LMTK2: variants seen among roughly 807,000 people sequenced by gnomAD.
LMTK2 encodes lemur tail kinase 2.
In LMTK2, 37 loss-of-function variants were observed where a neutral mutation model predicts 127.5. The ratio of observed to expected loss-of-function variants is 0.29; its 90% CI spans 0.22 to 0.38. The LOEUF (loss-of-function observed/expected upper bound fraction) is 0.38. Ranked by LOEUF, LMTK2 falls within the 10% of genes least tolerant of loss-of-function variation. LMTK2 has a pLI of 1.00. For missense variants in LMTK2, 1,694 were observed against 1,920.3 expected (o/e 0.88, Z 2.20); for synonymous variants, 819 against 810.1 (o/e 1.01, Z -0.19).
At chr7:98,123,403 A>G (rs1796396044) in intron 1 of LMTK2, among the ~76,000 whole-genome samples, 2 of 152,078 alleles carry the variant, frequency 1.3e-5, no homozygotes, top group Admixed American at 1.3e-4. Context: ...TTATGAACAC[A>G]TCATTAATCC....
chr7:98,134,550 C>T (rs1382045762), intron 1 of LMTK2, among the ~76,000 whole-genome samples: 1 of 152,142 alleles, frequency 6.6e-6, no homozygotes, highest in South Asian at 2.1e-4. Context: ...CGCAGTGGCT[C>T]ATGCCTGTAA....
chr7:98,196,284 C>G (rs1366710923), intron 11 of LMTK2, among the ~76,000 whole-genome samples: 1 of 152,144 alleles, frequency 6.6e-6, no homozygotes, highest in African/African-American at 2.4e-5. Flanking sequence ...TTTTCATTCC[C>G]CAGGTGGTTC....
At chr7:98,150,226 T>G (rs1267238112) in intron 3 of LMTK2, among the ~76,000 whole-genome samples, 1 of 150,942 alleles carries the variant, frequency 6.6e-6, no homozygotes, top group Non-Finnish European at 1.5e-5. Context: ...GAGAATCACT[T>G]GAACCCGGGA....
At chr7:98,133,112 C>G (rs767865853) in intron 1 of LMTK2, among the ~76,000 whole-genome samples, 1 of 152,158 alleles carries the variant, frequency 6.6e-6, no homozygotes, top group Non-Finnish European at 1.5e-5. Context: ...GTAGACATGC[C>G]GGGTGTTTTT....
chr7:98,140,367 G>A (rs1428792719), intron 2 of LMTK2, among the ~76,000 whole-genome samples: 3 of 151,690 alleles, frequency 2.0e-5, no homozygotes, highest in African/African-American at 4.9e-5. Context: ...GCCCAGGCTG[G>A]CCTAGAGCTC....
At chr7:98,138,766 A>G (rs1334429705) in intron 2 of LMTK2, among the ~76,000 whole-genome samples, 4 of 152,196 alleles carry the variant, frequency 2.6e-5, no homozygotes, top group African/African-American at 9.6e-5. Flanking sequence ...ACATTTCATG[A>G]TGCCTCATTC....
At position 98,171,599 on chromosome 7, in the gene LMTK2, C is replaced by T. The variant is rs1481803777; in HGVS notation, c.716C>T (p.Thr239Ile). 1 of 1,613,112 alleles carries T rather than the reference C, an allele frequency of 6.2e-7. No homozygotes were observed. Among genetic ancestry groups the T allele is most frequent in the East Asian group, 2.2e-5 (1 of 44,874 alleles). The change falls in exon 7 of 14, where the codon ACC (threonine) becomes ATC (isoleucine). Residue 239 changes from threonine to isoleucine, a missense_variant. Around this residue, in one of 8 missense-constraint regions of LMTK2, gnomAD observed 203 missense variants for 226.2 expected, o/e 0.90. Transcript: ENST00000297293. The surrounding 1 kb of genome is among the most constrained non-coding windows in gnomAD (Gnocchi z 5.1). ...GAGCACATGCGGGGGGACTCACAGA[C>T]CATGCTGCTGCAGAGGATGGCGTGC... ...EQEHMRGDSQ[T>I]MLLQRMACEV...
chr7:98,141,382 T>C lies in LMTK2; in HGVS notation c.232-15T>C. On this transcript the variant is annotated splice_polypyrimidine_tract_variant and intron_variant, in intron 2 of 13. Transcript: ENST00000297293. ...TTAGCCAATGGTTTTTAATGCTTGCTCTCTTTCATTTTAGGAATTTGAAGA... is the reference window on the plus strand; with the variant it reads ...TTAGCCAATGGTTTTTAATGCTTGCCCTCTTTCATTTTAGGAATTTGAAGA... 1.9e-6 allele frequency: 3 copies of C among 1,611,330 alleles called. No individual in the cohort carries two copies. Among genetic ancestry groups the C allele is most frequent in the Non-Finnish European group, 2.5e-6 (3 of 1,177,546 alleles).
chr7:98,166,949 A>G (rs576780750), intron 6 of LMTK2, among the ~76,000 whole-genome samples: 1 of 152,328 alleles, frequency 6.6e-6, no homozygotes, highest in South Asian at 2.1e-4. Context: ...ACAAAGATAA[A>G]CTTTCAAAGA....
At position 98,173,948 on chromosome 7, in the gene LMTK2, C is replaced by T. The variant is rs184244811; in HGVS notation, c.791+2274C>T. On this transcript the variant is annotated intron_variant, in intron 7 of 13. Transcript: ENST00000297293. ...ACGGGTGCCTGTAGTCCCAGCTATT[C>T]GGGAGGCTGAGGCAGGAGAATGGCG... 2.1e-3 allele frequency among the ~76,000 whole-genome samples: 319 copies of T among 151,860 alleles called. 3 individuals are homozygous for T. Among genetic ancestry groups the T allele is most frequent in the African/African-American group, 7.4e-3 (305 of 41,444 alleles).
intron 12 of LMTK2, 59 bp downstream of exon 12, chr7:98,203,765 T>A: frequency 6.2e-7 from 1 of 1,601,602 alleles, no homozygotes; most frequent in South Asian, 1.1e-5. Flanking sequence ...ATGTAAAGGT[T>A]TTTTGAGGGT....
At chr7:98,152,628 G>A (rs1796874542) in intron 4 of LMTK2, among the ~76,000 whole-genome samples, 1 of 152,198 alleles carries the variant, frequency 6.6e-6, no homozygotes, top group Admixed American at 6.5e-5. Context: ...ACAGCAAACA[G>A]TCAATTGTGG....
rs11765552 is a variant in LMTK2, at chr7:98,192,803, T to C, written c.2338T>C (p.Leu780=). The C allele has an allele frequency of 5.6e-6, 9 of 1,613,370 alleles. No individual in the cohort carries two copies. Among genetic ancestry groups the C allele is most frequent in the Non-Finnish European group, 7.6e-6 (9 of 1,179,634 alleles). ...TCAGTTTGCTGAAAATAAGCCAGGC[T>C]TGTCTTTGTTGCAGGAAAACGTAAG... ...ELQFAENKPG[L]SLLQENVSTK... Residue 780 remains leucine, a synonymous_variant, in exon 11 of 14, where the codon TTG becomes CTG. Transcript: ENST00000297293.
At chr7:98,155,592 C>G (rs1796915814) in intron 5 of LMTK2, among the ~76,000 whole-genome samples, 1 of 151,132 alleles carries the variant, frequency 6.6e-6, no homozygotes, top group Admixed American at 6.6e-5. Context: ...TGGAGGACAG[C>G]CGATTTCTCA....
chr7:98,172,877 C>T (rs1018065472), intron 7 of LMTK2, among the ~76,000 whole-genome samples: 8 of 152,184 alleles, frequency 5.3e-5, no homozygotes, highest in African/African-American at 1.7e-4. Context: ...CCTGCCTCAG[C>T]CTTCCGAGTA....
rs141472550 is a variant in LMTK2, at chr7:98,194,179, C to T, written c.3714C>T (p.Tyr1238=). 2.0e-5 allele frequency: 33 copies of T among 1,613,914 alleles called. No homozygotes were observed. Among genetic ancestry groups the T allele is most frequent in the Non-Finnish European group, 2.6e-5 (31 of 1,180,036 alleles). The stretch of plus-strand genomic sequence containing the variant: ...CCAACACGAACGAACTCCTTGCCTA[C>T]ACCAATTCTGCGCTGGACAAGTCCC... ...TGTNTNELLA[Y]TNSALDKSLS... is the part of the protein sequence containing the mutation. Residue 1238 remains tyrosine, a synonymous_variant, in exon 11 of 14, where the codon TAC becomes TAT. Coordinates refer to ENST00000297293, the MANE Select transcript of LMTK2 (RefSeq NM_014916.4). The surrounding 1 kb of genome is among the most constrained non-coding windows in gnomAD (Gnocchi z 5.4).
At chr7:98,176,355 C>T (rs1220590054) in intron 7 of LMTK2, among the ~76,000 whole-genome samples, 1 of 152,164 alleles carries the variant, frequency 6.6e-6, no homozygotes, top group African/African-American at 2.4e-5. Flanking sequence ...TTTACCAAAA[C>T]TTAATAGCAA....
At chr7:98,180,070 A>G (rs1797332616) in intron 7 of LMTK2, among the ~76,000 whole-genome samples, 1 of 152,128 alleles carries the variant, frequency 6.6e-6, no homozygotes, top group South Asian at 2.1e-4. Flanking sequence ...AAGATTAAAC[A>G]CTTAGAGAAA....
At position 98,185,696 on chromosome 7, in the gene LMTK2, C is replaced by T. The variant is rs537727525; in HGVS notation, c.876+561C>T. On this transcript the variant is annotated intron_variant, in intron 8 of 13. Transcript: ENST00000297293. ...CCAGCTCCGGGCTGTCAGGAGACCT[C>T]GGATAAGCCACTTGACCTCCATTTT... Among the ~76,000 whole-genome samples, 128 of 151,546 alleles carry T rather than the reference C, an allele frequency of 8.4e-4. 1 individual carries two copies. Among genetic ancestry groups the T allele is most frequent in the African/African-American group, 3.0e-3 (123 of 41,328 alleles).
Sources: gnomAD v4.1 joint callset for allele counts (sites outside exome capture counted in the v4.1 genomes callset) on GRCh38, gnomAD v4.1.1 for gene constraint, gnomAD v4.1.1 regional missense constraint, Gnocchi (gnomAD v3.1) non-coding constraint, MANE v1.5 for transcripts, NCBI Gene and HGNC (gene_info 2026-07-23, HGNC 2026-07-21) for gene names.